CHN2: variants seen among roughly 807,000 people sequenced by gnomAD.
CHN2 encodes chimerin 2, also known as beta-chimaerin.
CHN2 carries 35 observed loss-of-function variants against 56.3 expected under a neutral mutation model. That is an observed-to-expected ratio of 0.62 (90% CI 0.47 to 0.82). CHN2 has a LOEUF of 0.82. Ranked by LOEUF, CHN2 falls within the 40% of genes least tolerant of loss-of-function variation. The probability of loss-of-function intolerance (pLI) is 0.00; values close to 1 mark genes in which losing one functional copy is unlikely to be tolerated. For synonymous variants in CHN2, 210 were observed against 212.8 expected, an observed-to-expected ratio of 0.99 and a Z score of 0.12; for missense variants, 491 against 580.5, an observed-to-expected ratio of 0.85 and a Z score of 1.58.
chr7:29,223,349 G>A (rs114033665), intron 1 of CHN2, among the ~76,000 whole-genome samples: 1,681 of 152,128 alleles, frequency 0.011, 32 homozygotes, highest in African/African-American at 0.039. Flanking sequence ...GTCTTGCCTT[G>A]TGTCCACAGC....
At chr7:29,441,811 A>G (rs1316919759) in intron 6 of CHN2, among the ~76,000 whole-genome samples, 2 of 152,208 alleles carry the variant, frequency 1.3e-5, no homozygotes, top group Non-Finnish European at 2.9e-5. Context: ...GAGAAATCAG[A>G]ACCTTCATAC....
In CHN2 at chr7:29,420,735, T is replaced by G. The variant is rs186705298; in HGVS notation, c.576+19907T>G. Among the ~76,000 whole-genome samples, 18 of 152,286 alleles carry G rather than the reference T, an allele frequency of 1.2e-4. No homozygotes were observed. In the East Asian group the frequency reaches 3.5e-3, roughly 29 times the overall value. On this transcript the variant is annotated intron_variant, in intron 6 of 12. Transcript: ENST00000222792. The stretch of plus-strand genomic sequence containing the variant: ...CAATTGTACAACAATGTGAGTATGC[T>G]TAACATTACTGAACTGTACACTTGA...
chr7:29,421,098 G>T (rs1804300295), intron 6 of CHN2, among the ~76,000 whole-genome samples: 1 of 152,036 alleles, frequency 6.6e-6, no homozygotes. Context: ...CGGCTATATG[G>T]GTTTTTAAAC....
At chr7:29,168,554 T>G (rs187257678) in intron 2 of CHN2, among the ~76,000 whole-genome samples, 1 of 152,312 alleles carries the variant, frequency 6.6e-6, no homozygotes, top group African/African-American at 2.4e-5. Context: ...TCCTATAGTT[T>G]CATCTGTGTA....
chr7:29,213,697 T>G (rs1785132218), intron 1 of CHN2, among the ~76,000 whole-genome samples: 1 of 152,206 alleles, frequency 6.6e-6, no homozygotes, highest in Admixed American at 6.5e-5. Context: ...TGGTTCTGTT[T>G]TACTATATCC....
rs1194767535 is a variant in CHN2, at chr7:29,450,779, T to C, written c.577-29500T>C. On this transcript the variant is annotated intron_variant, in intron 6 of 12. Transcript: ENST00000222792. ...GGTAGGTACATTACTTCATTACTTC[T>C]TTTTTTTTTTTGAGATGGAGTCTTG... Among the ~76,000 whole-genome samples, 6 of 77,356 alleles carry C rather than the reference T, an allele frequency of 7.8e-5. No individual in the cohort carries two copies. In the East Asian group the frequency reaches 1.9e-3, roughly 24 times the overall value. The allele number at this position is 77,356 out of a possible 152,430, so 50.7% of individuals were successfully genotyped here. A position where few individuals can be genotyped will look rare whatever the true frequency, so the allele number is the denominator to read the frequency against.
chr7:29,434,711 G>A (rs1265249444), intron 6 of CHN2, among the ~76,000 whole-genome samples: 2 of 152,116 alleles, frequency 1.3e-5, no homozygotes, highest in Non-Finnish European at 2.9e-5. Context: ...GCAGGTACTG[G>A]GGTTGAATAT....
intron 8 of CHN2, among the ~76,000 whole-genome samples, chr7:29,498,137 C>T (rs564845869): frequency 6.6e-6 from 1 of 152,284 alleles, no homozygotes; most frequent in East Asian, 1.9e-4. Context: ...AATTGCTGGG[C>T]AGATATACTT....
chr7:29,297,139 AC>A (rs933954424), intron 1 of CHN2, among the ~76,000 whole-genome samples: 9 of 152,194 alleles, frequency 5.9e-5, no homozygotes, highest in Admixed American at 6.5e-5. Flanking sequence ...AAAAGGGGAA[AC>A]AGGGACCCTC....
chr7:29,459,649 C>T (rs1785007122), intron 6 of CHN2, among the ~76,000 whole-genome samples: 2 of 152,270 alleles, frequency 1.3e-5, no homozygotes, highest in South Asian at 2.1e-4. Context: ...ACAGAGCAGC[C>T]CATAGCAGCA....
intron 6 of CHN2, among the ~76,000 whole-genome samples, chr7:29,413,987 C>A (rs188905155): frequency 6.6e-6 from 1 of 152,330 alleles, no homozygotes; most frequent in Admixed American, 6.5e-5. Flanking sequence ...ACACACATGC[C>A]TGCCTCTGTG....
intron 1 of CHN2, among the ~76,000 whole-genome samples, chr7:29,281,754 C>T (rs1032911716): frequency 2.6e-5 from 4 of 152,190 alleles, no homozygotes; most frequent in East Asian, 1.9e-4. Context: ...GGGGAGACAC[C>T]GTACAGCCCC....
At chr7:29,183,442 T>C (rs1247427691) in intron 2 of CHN2, among the ~76,000 whole-genome samples, 1 of 151,388 alleles carries the variant, frequency 6.6e-6, no homozygotes, top group Non-Finnish European at 1.5e-5. Context: ...GGTGGCATGA[T>C]CTCGGCTCAC....
chr7:29,194,659 T>C, upstream of CHN2: 1 of 339,054 alleles, frequency 2.9e-6, no homozygotes, highest in Non-Finnish European at 5.3e-6. Flanking sequence ...CCGTCCCGGC[T>C]GCCCCTCGGC....
At chr7:29,481,587 T>C (rs924270513) in intron 7 of CHN2, among the ~76,000 whole-genome samples, 2 of 151,716 alleles carry the variant, frequency 1.3e-5, no homozygotes, top group African/African-American at 4.8e-5. Context: ...TCCTCTTCTA[T>C]GCCAAAGCTT....
At chr7:29,256,708 T>C (rs2128826455) in intron 1 of CHN2, among the ~76,000 whole-genome samples, 1 of 152,266 alleles carries the variant, frequency 6.6e-6, no homozygotes, top group African/African-American at 2.4e-5. Context: ...ACAGGTGATC[T>C]CGATGATCTT....
intron 4 of CHN2, chr7:29,397,164 A>T (rs79822105): frequency 6.6e-6 from 1 of 152,214 alleles, no homozygotes; most frequent in African/African-American, 2.4e-5. Flanking sequence ...ACAAAGCCAC[A>T]GGCTGCTTCT....
chr7:29,264,494 A>G (rs39103), intron 1 of CHN2, among the ~76,000 whole-genome samples: 108,598 of 152,152 alleles, frequency 0.71, 39,000 homozygotes, highest in East Asian at 0.99. Context: ...TTGGGATGCT[A>G]TTAATCTATG....
intron 2 of CHN2, among the ~76,000 whole-genome samples, chr7:29,364,154 G>T (rs1338300164): frequency 6.6e-6 from 1 of 152,098 alleles, no homozygotes; most frequent in East Asian, 1.9e-4. Context: ...TATTTTTTCT[G>T]GTTTCTTAAG....
Sources: allele counts gnomAD v4.1 joint callset (sites outside exome capture counted in the v4.1 genomes callset), GRCh38; gene constraint gnomAD v4.1.1; transcripts MANE v1.5; gene names NCBI Gene and HGNC (gene_info 2026-07-23, HGNC 2026-07-21).